USP13: variants seen among roughly 807,000 people sequenced by gnomAD.
The protein encoded by USP13 is ubiquitin carboxyl-terminal hydrolase 13.
A neutral mutation model predicts 107.8 loss-of-function variants in USP13; 68 were observed. The observed-to-expected ratio is 0.63, with a 90% CI of 0.52 to 0.77. The LOEUF is 0.77. USP13 is among the 30% of genes least tolerant of loss of function. The pLI, the probability that USP13 is intolerant of heterozygous loss-of-function variation, is 0.00. For missense variants in USP13, 945 were observed against 1,093.3 expected, an observed-to-expected ratio of 0.86 and a Z score of 1.91; for synonymous variants, 377 against 389.5, an observed-to-expected ratio of 0.97 and a Z score of 0.38.
intron 1 of USP13, among the ~76,000 whole-genome samples, chr3:179,657,630 G>GTT (rs1428772377): frequency 1.3e-5 from 2 of 151,504 alleles, no homozygotes; most frequent in Non-Finnish European, 2.9e-5. Flanking sequence ...TGGGTGTGGT[G>GTT]GCACGCACCT....
At chr3:179,749,469 T>C (rs1714520404) in intron 13 of USP13, among the ~76,000 whole-genome samples, 1 of 152,214 alleles carries the variant, frequency 6.6e-6, no homozygotes, top group South Asian at 2.1e-4. Context: ...AAGAATAAGC[T>C]GAGCATAATT....
intron 19 of USP13, among the ~76,000 whole-genome samples, chr3:179,781,007 T>C (rs1178464609): frequency 1.3e-5 from 2 of 152,204 alleles, no homozygotes; most frequent in East Asian, 3.9e-4. Context: ...CTGGTACTTG[T>C]CCATGGAAGC....
chr3:179,713,061 C>T (rs2108487103), intron 6 of USP13, among the ~76,000 whole-genome samples: 1 of 152,212 alleles, frequency 6.6e-6, no homozygotes, highest in East Asian at 1.9e-4. Flanking sequence ...AATATTAACC[C>T]ATTGTCTTCC....
At chr3:179,720,436 G>A (rs1713270246) in intron 7 of USP13, among the ~76,000 whole-genome samples, 1 of 152,188 alleles carries the variant, frequency 6.6e-6, no homozygotes, top group Non-Finnish European at 1.5e-5. Context: ...GCTCCTAGGG[G>A]ATAGAACGAA....
chr3:179,710,667 C>G (rs1429974285), intron 6 of USP13, among the ~76,000 whole-genome samples: 1 of 152,134 alleles, frequency 6.6e-6, no homozygotes. Context: ...GTGATATGTT[C>G]CGAGAATGCA....
chr3:179,784,085 G>T lies in USP13; in HGVS notation c.2536G>T (p.Glu846Ter). ...IYNDHKVCAS[E>*]RPPKDLGYMY... ...CAATGACCACAAAGTTTGTGCCTCAGAAAGGCCCCCTAAAGACCTGGGCTA... is the reference window on the plus strand; with the variant it reads ...CAATGACCACAAAGTTTGTGCCTCATAAAGGCCCCCTAAAGACCTGGGCTA... The change falls in exon 21 of 21, where the codon GAA becomes TAA. Residue 846 changes from glutamate (E) to a stop codon, truncating the protein, a stop_gained. Coordinates refer to ENST00000263966, the MANE Select transcript of USP13 (RefSeq NM_003940.3). LOFTEE classifies it high-confidence loss of function. 6.2e-7 allele frequency: 1 copy of T among 1,613,224 alleles called. No individual in the cohort carries two copies. The highest frequency in any genetic ancestry group is 8.5e-7 in the Non-Finnish European group (1 of 1,179,790).
chr3:179,768,168 T>C (rs1357066997), intron 19 of USP13, among the ~76,000 whole-genome samples: 1 of 152,202 alleles, frequency 6.6e-6, no homozygotes, highest in Non-Finnish European at 1.5e-5. Context: ...GGCATTTCCT[T>C]GGAGAGGATG....
At chr3:179,726,121 C>T (rs1713505745) in intron 8 of USP13, among the ~76,000 whole-genome samples, 1 of 151,988 alleles carries the variant, frequency 6.6e-6, no homozygotes, top group South Asian at 2.1e-4. Flanking sequence ...GTGGGGGCGG[C>T]CCCTCTTGTT....
At chr3:179,764,262 T>C in intron 18 of USP13, 94 bp downstream of exon 18, 1 of 1,457,880 alleles carries the variant, frequency 6.9e-7, no homozygotes, top group Admixed American at 2.5e-5. Context: ...CTTTGATCAT[T>C]TTGATTCATG....
At chr3:179,689,640 T>C (rs918990826) in intron 2 of USP13, among the ~76,000 whole-genome samples, 6 of 150,478 alleles carry the variant, frequency 4.0e-5, no homozygotes, top group Non-Finnish European at 8.9e-5. Context: ...CCTGGGCGAC[T>C]GTGTGAGACT....
At chr3:179,749,835 A>G (rs1402903573) in intron 13 of USP13, among the ~76,000 whole-genome samples, 1 of 152,208 alleles carries the variant, frequency 6.6e-6, no homozygotes, top group Non-Finnish European at 1.5e-5. Flanking sequence ...CAGCTTCAAG[A>G]GTCTCAGGGA....
At chr3:179,743,050 A>G (rs1714257802) in intron 12 of USP13, among the ~76,000 whole-genome samples, 1 of 152,238 alleles carries the variant, frequency 6.6e-6, no homozygotes, top group Non-Finnish European at 1.5e-5. Context: ...TCATTTTTGT[A>G]AAGTTCAGCA....
At position 179,741,625 on chromosome 3, in the gene USP13, G is replaced by A. The variant is rs1714204202; in HGVS notation, c.1381-572G>A. On this transcript the variant is annotated intron_variant, in intron 11 of 20. Coordinates refer to ENST00000263966, the MANE Select transcript of USP13 (RefSeq NM_003940.3). ...ACCCGCCTCCGCCTCCCAAAGTGCTGGGATTACAGGCATGAGCCACTGTGC... is the reference window on the plus strand; with the variant it reads ...ACCCGCCTCCGCCTCCCAAAGTGCTAGGATTACAGGCATGAGCCACTGTGC... Among the ~76,000 whole-genome samples the A allele has an allele frequency of 2.0e-5, 3 of 152,272 alleles. No homozygotes were observed. The South Asian group carries it at 6.2e-4, about 32-fold the overall frequency.
rs1007123572 is a variant in USP13 at position 179,784,336 on chromosome 3, A to G, written c.*195A>G. On this transcript the variant is annotated 3_prime_UTR_variant, in exon 21 of 21. Transcript: ENST00000263966. ...AAATTTCTATTAGTGATGATACACT[A>G]TTATATTGTAGATAGTTTTTATAAA... The G allele has an allele frequency of 3.8e-5, 18 of 478,414 alleles. No homozygotes were observed. Among genetic ancestry groups the G allele is most frequent in the African/African-American group, 3.0e-4 (15 of 50,518 alleles). 29.6% of individuals were successfully genotyped at this position (478,414 alleles called of 1,614,324 possible).
intron 3 of USP13, among the ~76,000 whole-genome samples, chr3:179,699,939 T>G (rs1712459037): frequency 6.6e-6 from 1 of 152,036 alleles, no homozygotes. Context: ...AATAACTTTC[T>G]TCTGTCTATA....
chr3:179,772,727 T>C (rs73056689), intron 19 of USP13, among the ~76,000 whole-genome samples: 1 of 152,344 alleles, frequency 6.6e-6, no homozygotes, highest in African/African-American at 2.4e-5. Context: ...TGATTTACAC[T>C]GAAGGATAAA....
intron 10 of USP13, among the ~76,000 whole-genome samples, chr3:179,739,114 ATG>A (rs1714093392): frequency 1.3e-5 from 2 of 152,104 alleles, no homozygotes; most frequent in South Asian, 4.1e-4. Flanking sequence ...CCTTTCCCTG[ATG>A]CTCTGTCCAG....
intron 1 of USP13, among the ~76,000 whole-genome samples, chr3:179,660,496 T>C (rs1720426220): frequency 1.3e-5 from 2 of 152,266 alleles, no homozygotes; most frequent in African/African-American, 2.4e-5. Context: ...ATCATATATA[T>C]GTACATGTAT....
At position 179,678,534 on chromosome 3, in the gene USP13, A is replaced by G. The variant is rs1576919097; in HGVS notation, c.169-3344A>G. 1.3e-5 allele frequency among the ~76,000 whole-genome samples: 2 copies of G among 151,608 alleles called. No individual in the cohort carries two copies. Among genetic ancestry groups the G allele is most frequent in the Admixed American group, 1.3e-4 (2 of 15,244 alleles). ...GTCACCCAGGCTGGATGGCACAATCATGGCTCACTGCAACCTTGACCTCCC... is the reference window on the plus strand; with the variant it reads ...GTCACCCAGGCTGGATGGCACAATCGTGGCTCACTGCAACCTTGACCTCCC... On this transcript the variant is annotated intron_variant, in intron 1 of 20. Transcript: ENST00000263966. This position sits in a 1 kb window ranked among gnomAD's most constrained non-coding sequence, Gnocchi z 4.2.
Sources: gnomAD v4.1 joint callset for allele counts (sites outside exome capture counted in the v4.1 genomes callset) on GRCh38, gnomAD v4.1.1 for gene constraint, Gnocchi (gnomAD v3.1) non-coding constraint, MANE v1.5 for transcripts, NCBI Gene and HGNC (gene_info 2026-07-23, HGNC 2026-07-21) for gene names.